PERP: variants seen among roughly 807,000 people sequenced by gnomAD.
PERP encodes the protein p53 apoptosis effector related to PMP-22.
In PERP, 11 loss-of-function variants were observed where a neutral mutation model predicts 20.3. The ratio of observed to expected loss-of-function variants is 0.54; its 90% confidence interval spans 0.34 to 0.90. The LOEUF (loss-of-function observed/expected upper bound fraction) is 0.90. Among genes scored for constraint, PERP ranks in the 40% least tolerant of loss-of-function variants. PERP has a pLI of 0.02. For missense variants in PERP, 224 were observed against 249.4 expected, an observed-to-expected ratio of 0.90 and a Z score of 0.69; for synonymous variants, 101 against 102.0, an observed-to-expected ratio of 0.99 and a Z score of 0.06.
chr6:138,102,500 C>CTTTGGTGA (rs1180112915), intron 1 of PERP, among the ~76,000 whole-genome samples: 2 of 152,128 alleles, frequency 1.3e-5, no homozygotes, highest in Admixed American at 1.3e-4. Context: ...TGGGTGCAGG[C>CTTTGGTGA]TTTGGTGAAA....
chr6:138,095,981 T>G (rs2484066), intron 2 of PERP, among the ~76,000 whole-genome samples: 76,227 of 151,984 alleles, frequency 0.5, 20,024 homozygotes, highest in Non-Finnish European at 0.56. Flanking sequence ...GGCATTCAGG[T>G]CCCCTCAGCA....
intron 1 of PERP, among the ~76,000 whole-genome samples, chr6:138,098,062 T>C (rs1340736865): frequency 1.3e-5 from 2 of 152,240 alleles, no homozygotes; most frequent in Admixed American, 6.5e-5. Context: ...TGTCATGTTA[T>C]AGCATCAATC....
chr6:138,103,235 C>G (rs142753208), intron 1 of PERP, among the ~76,000 whole-genome samples: 2 of 151,842 alleles, frequency 1.3e-5, no homozygotes, highest in South Asian at 4.2e-4. Flanking sequence ...CTGCAACCTC[C>G]GCCTCCCGGG....
rs1562322848 is a variant in PERP at position 138,092,270 on chromosome 6, TA to T, written c.356-3del. The T allele has an allele frequency of 1.2e-6, 2 of 1,611,076 alleles. No individual in the cohort carries two copies. Among genetic ancestry groups the T allele is most frequent in the Non-Finnish European group, 1.7e-6 (2 of 1,177,468 alleles). On this transcript the variant is annotated splice_region_variant and splice_polypyrimidine_tract_variant and intron_variant, in intron 2 of 2. Coordinates refer to ENST00000421351, the MANE Select transcript of PERP (RefSeq NM_022121.5). The stretch of plus-strand genomic sequence containing the variant: ...CCAGGGAGATGATCTGGAACACAGC[TA>T]AAGGGAAGAAAAAAATCCCAGGGTA...
intron 2 of PERP, 70 bp from the exon 3 acceptor site, chr6:138,092,338 C>G (rs1775601938): frequency 5.5e-6 from 7 of 1,274,708 alleles, no homozygotes; most frequent in Non-Finnish European, 7.8e-6. Context: ...ACATTAGCGA[C>G]AGATTACCTC....
intron 1 of PERP, among the ~76,000 whole-genome samples, chr6:138,103,838 A>T (rs1322735959): frequency 6.6e-6 from 1 of 152,244 alleles, no homozygotes; most frequent in African/African-American, 2.4e-5. Context: ...TAACTGACCT[A>T]AAACTATTTC....
chr6:138,103,647 T>G (rs2114344461), intron 1 of PERP, among the ~76,000 whole-genome samples: 1 of 152,334 alleles, frequency 6.6e-6, no homozygotes, highest in Admixed American at 6.5e-5. Context: ...TTTCTAGTAT[T>G]ATTACACTGT....
chr6:138,107,165 C>A lies in PERP; in HGVS notation c.176G>T (p.Gly59Val), dbSNP rs2114349396. The A allele has an allele frequency of 6.2e-7, 1 of 1,611,424 alleles. No individual in the cohort carries two copies. The highest frequency in any genetic ancestry group is 1.1e-5 in the South Asian group (1 of 90,998). The change falls in exon 1 of 3, where the codon GGG becomes GTG. Residue 59 changes from glycine (G) to valine (V), a missense_variant. Transcript: ENST00000421351. The surrounding 1 kb of genome is among the most constrained non-coding windows in gnomAD (Gnocchi z 4.8). The stretch of plus-strand genomic sequence containing the variant: ...GCTCTGACAGCCCTCCTCGTAGGAC[C>A]CGCTGCCGCCGCCCTCTTGGGAGCA... Reference protein sequence around the residue: ...WKCSQEGGGSGSYEEGCQSLM... With the variant: ...WKCSQEGGGSVSYEEGCQSLM...
At position 138,107,014 on chromosome 6, in the gene PERP, A is replaced by C; in HGVS notation, c.214+113T>G. ...GAGCTCGTCCTAAACAGGCATTCTG[A>C]AAAGCACTGGCTCCCCCGACCCTGT... On this transcript the variant is annotated intron_variant, in intron 1 of 2. Transcript: ENST00000421351. The surrounding 1 kb of genome is among the most constrained non-coding windows in gnomAD (Gnocchi z 4.8). 9.0e-7 allele frequency: 1 copy of C among 1,106,174 alleles called. No individual in the cohort carries two copies. The highest frequency in any genetic ancestry group is 1.3e-6 in the Non-Finnish European group (1 of 791,782). The allele number at this position is 1,106,174 out of a possible 1,614,324, so 68.5% of individuals were successfully genotyped here. A position where few individuals can be genotyped will look rare whatever the true frequency, so the allele number is the denominator to read the frequency against.
intron 1 of PERP, among the ~76,000 whole-genome samples, chr6:138,099,574 A>G (rs1775743080): frequency 6.6e-6 from 1 of 152,254 alleles, no homozygotes. Flanking sequence ...ATCTATTTCA[A>G]TAACTAAACT....
intron 1 of PERP, among the ~76,000 whole-genome samples, chr6:138,102,357 A>G (rs1481989282): frequency 6.6e-6 from 1 of 152,252 alleles, no homozygotes; most frequent in Non-Finnish European, 1.5e-5. Context: ...ACATGTGTCA[A>G]TGAAAGAAAG....
chr6:138,101,910 G>A (rs563518772), intron 1 of PERP, among the ~76,000 whole-genome samples: 3 of 152,262 alleles, frequency 2.0e-5, no homozygotes, highest in East Asian at 3.9e-4. Context: ...TTAAAATGCC[G>A]ATTCCGATCC....
At chr6:138,097,786 G>A (rs1163777533) in intron 1 of PERP, among the ~76,000 whole-genome samples, 2 of 152,258 alleles carry the variant, frequency 1.3e-5, no homozygotes, top group African/African-American at 2.4e-5. Context: ...CTTTTAAAGT[G>A]TATAATTCAG....
chr6:138,094,307 C>T (rs1210222778), intron 2 of PERP, among the ~76,000 whole-genome samples: 1 of 152,128 alleles, frequency 6.6e-6, no homozygotes, highest in African/African-American at 2.4e-5. Context: ...TTCCCTCCCC[C>T]CAGCCCCTGG....
chr6:138,101,609 C>T (rs1022794874), intron 1 of PERP, among the ~76,000 whole-genome samples: 10 of 152,086 alleles, frequency 6.6e-5, no homozygotes, highest in African/African-American at 2.4e-4. Context: ...AGTCCCTTTC[C>T]AGAATACAGG....
rs374267506 is a variant in PERP at position 138,092,117 on chromosome 6, G to T, written c.507C>A (p.Phe169Leu). ...ATIILIGCAF[F>L]FCCLPNYEDD... ...CTTCGTAGTTGGGGAGGCAGCAGAA[G>T]AAGAAGGCACAGCCAATCAGGATAA... Residue 169 changes from phenylalanine to leucine, a missense_variant, in exon 3 of 3, where the codon TTC becomes TTA. Phe to Leu is a conservative substitution (Grantham distance 22). Coordinates refer to ENST00000421351, the MANE Select transcript of PERP (RefSeq NM_022121.5). The T allele has an allele frequency of 3.7e-6, 6 of 1,613,992 alleles. No homozygotes were observed. The highest frequency in any genetic ancestry group is 4.2e-6 in the Non-Finnish European group (5 of 1,180,014).
intron 1 of PERP, among the ~76,000 whole-genome samples, chr6:138,105,000 G>C (rs72984647): frequency 1.3e-5 from 2 of 152,126 alleles, no homozygotes; most frequent in Non-Finnish European, 2.9e-5. Flanking sequence ...TGAGACAGAC[G>C]TATAATAAGC....
chr6:138,093,697 A>G (rs572013288), intron 2 of PERP, among the ~76,000 whole-genome samples: 1 of 152,274 alleles, frequency 6.6e-6, no homozygotes, highest in South Asian at 2.1e-4. Context: ...TCCTTATAAC[A>G]GTTTGGATTA....
intron 2 of PERP, among the ~76,000 whole-genome samples, chr6:138,092,975 G>A (rs2473095): frequency 0.2 from 30,586 of 151,970 alleles, 3,283 homozygotes; most frequent in Non-Finnish European, 0.22. Flanking sequence ...TGTGAGTTAA[G>A]ATGTGGAAAG....
Sources: gnomAD v4.1 joint callset for allele counts (sites outside exome capture counted in the v4.1 genomes callset) on GRCh38, gnomAD v4.1.1 for gene constraint, Gnocchi (gnomAD v3.1) non-coding constraint, MANE v1.5 for transcripts, NCBI Gene and HGNC (gene_info 2026-07-23, HGNC 2026-07-21) for gene names.